Variants in EML6 observed in about 807,000 individuals in gnomAD.
The protein encoded by EML6 is echinoderm microtubule-associated protein-like 6.
Under a neutral mutation model 240.1 loss-of-function variants are expected in EML6, and 154 were observed. The observed-to-expected ratio is 0.64, with a 90% CI of 0.56 to 0.73. The LOEUF is 0.73. EML6 is among the 30% of genes least tolerant of loss of function. The pLI is 0.00. For missense variants in EML6, 2,964 were observed against 2,474.6 expected, an observed-to-expected ratio of 1.20 and a Z score of -4.20; for synonymous variants, 1,148 against 899.0, an observed-to-expected ratio of 1.28 and a Z score of -4.95.
chr2:54,917,032 A>C (rs1458205754), intron 26 of EML6, 97 bp downstream of exon 26: 2 of 879,816 alleles, frequency 2.3e-6, no homozygotes, highest in East Asian at 2.7e-5. Flanking sequence ...AGTCATAAGC[A>C]ATTCACATTA....
At chr2:54,896,355 T>C (rs1672767882) in intron 21 of EML6, among the ~76,000 whole-genome samples, 1 of 152,204 alleles carries the variant, frequency 6.6e-6, no homozygotes, top group Non-Finnish European at 1.5e-5. Context: ...AGTCTCAGCC[T>C]TGGTCCACAT....
intron 2 of EML6, among the ~76,000 whole-genome samples, chr2:54,795,414 C>A (rs370966794): frequency 6.6e-6 from 1 of 152,178 alleles, no homozygotes; most frequent in Admixed American, 6.5e-5. Context: ...AGTTACCCCC[C>A]ACCAGGCCCC....
rs147885527 is a variant in EML6 at position 54,907,207 on chromosome 2, C to G, written c.3409+3705C>G. Among the ~76,000 whole-genome samples the G allele has an allele frequency of 5.2e-3, 797 of 152,280 alleles. 3 individuals carry two copies. Among genetic ancestry groups the G allele is most frequent in the Non-Finnish European group, 6.9e-3 (472 of 68,020 alleles). ...TCTAGAAATATCAGGCTATAACATC[C>G]TTTACAAATTAACAATTTGAAGGCT... is the stretch of plus-strand genomic sequence containing the variant. On this transcript the variant is annotated intron_variant, in intron 24 of 41. Coordinates refer to ENST00000356458, the MANE Select transcript of EML6 (RefSeq NM_001039753.4).
chr2:54,803,624 G>A (rs1452242382), intron 2 of EML6, among the ~76,000 whole-genome samples: 4 of 152,208 alleles, frequency 2.6e-5, no homozygotes, highest in African/African-American at 9.6e-5. Context: ...GAATTGTTAA[G>A]TTAAAGATGA....
Position 54,820,418 on chromosome 2 carries a change from T to A in EML6, c.481T>A (p.Tyr161Asn). The A allele has an allele frequency of 6.5e-7, 1 of 1,550,194 alleles. No homozygotes were observed. The highest frequency in any genetic ancestry group is 8.7e-7 in the Non-Finnish European group (1 of 1,145,802). The change falls in exon 5 of 42, where the codon TAT becomes AAT. Residue 161 changes from tyrosine to asparagine, a missense_variant. Physicochemically the swap from Tyr to Asn is moderately radical, Grantham distance 143. Coordinates refer to ENST00000356458, the MANE Select transcript of EML6 (RefSeq NM_001039753.4). ...GATTTTTGATATTTCCTGGGATCCA[T>A]ATCAGCCAAACAGAGTGGTTAGCTG... is the stretch of plus-strand genomic sequence containing the variant. Reference protein sequence around the residue: ...DRIFDISWDPYQPNRVVSCGV... With the variant: ...DRIFDISWDPNQPNRVVSCGV...
At chr2:54,729,842 TAA>T (rs1012592221) in intron 2 of EML6, among the ~76,000 whole-genome samples, 1 of 152,254 alleles carries the variant, frequency 6.6e-6, no homozygotes, top group African/African-American at 2.4e-5. Context: ...GGACCATGTT[TAA>T]GTTTGCTTTA....
chr2:54,881,016 T>C (rs1055511474), intron 17 of EML6: 2 of 152,182 alleles, frequency 1.3e-5, no homozygotes, highest in African/African-American at 4.8e-5. Flanking sequence ...TTACTGCCTC[T>C]ATTTAACACA....
intron 2 of EML6, among the ~76,000 whole-genome samples, chr2:54,727,580 C>T (rs1682967471): frequency 6.6e-6 from 1 of 152,134 alleles, no homozygotes; most frequent in Admixed American, 6.5e-5. Flanking sequence ...ACTATTCTTC[C>T]ACCTGAAATA....
At chr2:54,789,354 A>C (rs1018885202) in intron 2 of EML6, among the ~76,000 whole-genome samples, 12 of 150,908 alleles carry the variant, frequency 8.0e-5, no homozygotes, top group Non-Finnish European at 1.8e-4. Context: ...TCTACTAAAA[A>C]TACAAAAAAA....
intron 28 of EML6, among the ~76,000 whole-genome samples, chr2:54,940,571 C>A (rs868715643): frequency 1.3e-5 from 2 of 152,160 alleles, no homozygotes; most frequent in African/African-American, 4.8e-5. Flanking sequence ...TAATACACAG[C>A]AAACAAATAC....
At chr2:54,891,920 C>T (rs1386888673) in intron 18 of EML6, among the ~76,000 whole-genome samples, 2 of 152,172 alleles carry the variant, frequency 1.3e-5, no homozygotes, top group Admixed American at 1.3e-4. Context: ...CGTATACTAC[C>T]TTTTCCTACA....
intron 2 of EML6, among the ~76,000 whole-genome samples, chr2:54,797,180 A>AAAAAAAC (rs1558557032): frequency 6.8e-6 from 1 of 147,078 alleles, no homozygotes; most frequent in African/African-American, 2.5e-5. Context: ...AAAAAAAAAA[A>AAAAAAAC]AAAAAAAAAC....
At chr2:54,853,429 G>A (rs1193785505) in intron 10 of EML6, among the ~76,000 whole-genome samples, 3 of 115,326 alleles carry the variant, frequency 2.6e-5, no homozygotes, top group Non-Finnish European at 5.1e-5. Flanking sequence ...TGCATCACCT[G>A]AATATTTCAT....
At chr2:54,880,068 C>T (rs1212017897) in intron 17 of EML6, 1 of 154,894 alleles carries the variant, frequency 6.5e-6, no homozygotes, top group African/African-American at 2.4e-5. Flanking sequence ...GAGGCCCCAC[C>T]GTGTGCATCT....
rs56324677 is a variant in EML6 at position 54,744,905 on chromosome 2, T to TACACACACACACACAC, written c.197+19690_197+19705dup. 3.9e-4 allele frequency among the ~76,000 whole-genome samples: 42 copies of TACACACACACACACAC among 107,300 alleles called. 1 individual carries two copies. Among genetic ancestry groups the TACACACACACACACAC allele is most frequent in the East Asian group, 1.7e-3 (5 of 2,962 alleles). 70.4% of individuals were successfully genotyped at this position (107,300 alleles called of 152,430 possible). A position where few individuals can be genotyped will look rare whatever the true frequency, so the allele number is the denominator to read the frequency against. ...ATGTGTATAACACAACACACACACG[T>TACACACACACACACAC]ACACACACACACACACACACACACA... On this transcript the variant is annotated intron_variant, in intron 2 of 41. Coordinates refer to ENST00000356458, the MANE Select transcript of EML6 (RefSeq NM_001039753.4).
intron 25 of EML6, among the ~76,000 whole-genome samples, chr2:54,913,697 A>T (rs1025529468): frequency 6.6e-6 from 1 of 152,112 alleles, no homozygotes; most frequent in Non-Finnish European, 1.5e-5. Flanking sequence ...TTTTGTTACA[A>T]TTGCTTTTGA....
intron 16 of EML6, among the ~76,000 whole-genome samples, chr2:54,879,232 A>G (rs1004538834): frequency 2.0e-5 from 3 of 152,220 alleles, no homozygotes; most frequent in Non-Finnish European, 4.4e-5. Context: ...TCAGAATGTC[A>G]GGTCGGCAGT....
rs185042267 is a variant in EML6 at position 54,730,533 on chromosome 2, C to T, written c.197+5275C>T. Among the ~76,000 whole-genome samples, 4 of 152,334 alleles carry T rather than the reference C, an allele frequency of 2.6e-5. No individual in the cohort carries two copies. In the East Asian group the frequency reaches 7.7e-4, roughly 29 times the overall value. ...TCCTATTGAATTCTCCCACCCTCAACACTGAGAAATAGGTCTTCTCATTTT... is the reference window on the plus strand; with the variant it reads ...TCCTATTGAATTCTCCCACCCTCAATACTGAGAAATAGGTCTTCTCATTTT... On this transcript the variant is annotated intron_variant, in intron 2 of 41. Coordinates refer to ENST00000356458, the MANE Select transcript of EML6 (RefSeq NM_001039753.4).
intron 2 of EML6, among the ~76,000 whole-genome samples, chr2:54,730,305 G>A (rs1683098090): frequency 6.6e-6 from 1 of 152,144 alleles, no homozygotes; most frequent in Non-Finnish European, 1.5e-5. Flanking sequence ...TGAACTTGTT[G>A]GATTTGAAGA....
Sources: allele counts gnomAD v4.1 joint callset (sites outside exome capture counted in the v4.1 genomes callset), GRCh38; gene constraint gnomAD v4.1.1; transcripts MANE v1.5; gene names NCBI Gene and HGNC (gene_info 2026-07-23, HGNC 2026-07-21).